GABRA4: variants seen among roughly 807,000 people sequenced by gnomAD.
The protein encoded by GABRA4 is gamma-aminobutyric acid type A receptor subunit alpha4.
Under a neutral mutation model 49.7 loss-of-function variants are expected in GABRA4, and 12 were observed. The observed-to-expected ratio is 0.24, with a 90% CI of 0.15 to 0.39. The LOEUF is 0.39. GABRA4 is among the 10% of genes least tolerant of loss of function. The pLI, the probability that GABRA4 is intolerant of heterozygous loss-of-function variation, is 1.00. For synonymous variants in GABRA4, 288 were observed against 240.2 expected, an observed-to-expected ratio of 1.20 and a Z score of -1.84; for missense variants, 506 against 686.0, an observed-to-expected ratio of 0.74 and a Z score of 2.93.
chr4:46,990,329 A>C (rs1036434429), intron 2 of GABRA4, among the ~76,000 whole-genome samples: 1 of 152,228 alleles, frequency 6.6e-6, no homozygotes, highest in Non-Finnish European at 1.5e-5. Flanking sequence ...ACGATTAACC[A>C]AAACCCAGTA....
chr4:46,978,932 G>T, intron 3 of GABRA4, 99 bp downstream of exon 3: 5 of 785,988 alleles, frequency 6.4e-6, no homozygotes, highest in Non-Finnish European at 1.1e-5. Context: ...TTAGGTTTCT[G>T]GCTTTGTGTG....
chr4:46,935,839 G>T (rs898407819), intron 8 of GABRA4, among the ~76,000 whole-genome samples: 1 of 152,134 alleles, frequency 6.6e-6, no homozygotes. Flanking sequence ...TTTAAAAAAA[G>T]AATATTCTAT....
At chr4:46,949,089 C>T (rs989121665) in intron 8 of GABRA4, among the ~76,000 whole-genome samples, 5 of 152,086 alleles carry the variant, frequency 3.3e-5, no homozygotes, top group African/African-American at 1.2e-4. Context: ...ATCCTTCTTA[C>T]CCCTCAATTT....
chr4:46,928,051 T>C lies in GABRA4; in HGVS notation c.*174A>G, dbSNP rs1721293369. 2 of 562,130 alleles carry C rather than the reference T, an allele frequency of 3.6e-6. No homozygotes were observed. The highest frequency in any genetic ancestry group is 3.0e-5 in the South Asian group (1 of 33,154). The allele number at this position is 562,130 out of a possible 1,614,324, so 34.8% of individuals were successfully genotyped here. A position where few individuals can be genotyped will look rare whatever the true frequency, so the allele number is the denominator to read the frequency against. On this transcript the variant is annotated 3_prime_UTR_variant, in exon 9 of 9. Transcript: ENST00000264318. Reference sequence around the variant, plus strand: ...ATAATTTTTCTGAAAAAAAACATAGTTCACTTTTTCACTCAGGAATTAATT... The same window carrying C: ...ATAATTTTTCTGAAAAAAAACATAGCTCACTTTTTCACTCAGGAATTAATT...
chr4:46,954,429 C>T (rs991671809), intron 8 of GABRA4, among the ~76,000 whole-genome samples: 13 of 151,928 alleles, frequency 8.6e-5, no homozygotes, highest in South Asian at 4.2e-4. Flanking sequence ...TTGTGGCAGG[C>T]GCCTGTAATC....
intron 8 of GABRA4, 47 bp downstream of exon 8, chr4:46,964,923 G>T: frequency 1.3e-6 from 2 of 1,493,724 alleles, no homozygotes; most frequent in South Asian, 2.8e-5. Flanking sequence ...AAATAAATTT[G>T]ACCAAGAAGC....
chr4:46,965,490 T>C (rs1246101066), intron 7 of GABRA4, among the ~76,000 whole-genome samples: 3 of 151,748 alleles, frequency 2.0e-5, no homozygotes, highest in Non-Finnish European at 4.4e-5. Flanking sequence ...GTTTGGAAAA[T>C]TCTTTGGGCT....
chr4:46,946,688 C>T (rs2109353336), intron 8 of GABRA4, among the ~76,000 whole-genome samples: 1 of 152,230 alleles, frequency 6.6e-6, no homozygotes, highest in South Asian at 2.1e-4. Flanking sequence ...AGTACAACGC[C>T]TGGCACAAAT....
At chr4:46,990,910 G>A (rs1057336237) in intron 2 of GABRA4, among the ~76,000 whole-genome samples, 9 of 152,300 alleles carry the variant, frequency 5.9e-5, no homozygotes, top group East Asian at 1.9e-4. Flanking sequence ...GGCCCGGCGC[G>A]GCTCACGCCT....
chr4:46,947,414 T>G (rs967138977), intron 8 of GABRA4, among the ~76,000 whole-genome samples: 1 of 151,882 alleles, frequency 6.6e-6, no homozygotes, highest in African/African-American at 2.4e-5. Context: ...GCGTTCTAAG[T>G]AAAGGTCCAA....
At chr4:46,990,713 G>T (rs1352199395) in intron 2 of GABRA4, among the ~76,000 whole-genome samples, 1 of 151,984 alleles carries the variant, frequency 6.6e-6, no homozygotes, top group Non-Finnish European at 1.5e-5. Flanking sequence ...TCATCTGAAC[G>T]ATTCTCCACA....
chr4:46,974,526 A>G, intron 5 of GABRA4, 151 bp from the exon 6 acceptor site: 1 of 665,244 alleles, frequency 1.5e-6, no homozygotes. Context: ...AGTTCACTAT[A>G]ATTTAGTCAA....
At chr4:46,952,455 AT>A (rs745528369) in intron 8 of GABRA4, among the ~76,000 whole-genome samples, 1 of 152,034 alleles carries the variant, frequency 6.6e-6, no homozygotes, top group Non-Finnish European at 1.5e-5. Flanking sequence ...ATACATAAAA[AT>A]TTTCTTTTTC....
At chr4:46,967,396 GA>G (rs1722801937) in intron 7 of GABRA4, among the ~76,000 whole-genome samples, 1 of 150,926 alleles carries the variant, frequency 6.6e-6, no homozygotes, top group African/African-American at 2.4e-5. Context: ...TTGGTGATCA[GA>G]AGTAGTGTTC....
intron 8 of GABRA4, among the ~76,000 whole-genome samples, chr4:46,953,091 T>G (rs1722228979): frequency 6.6e-6 from 1 of 152,130 alleles, no homozygotes; most frequent in Non-Finnish European, 1.5e-5. Context: ...AATAATATGG[T>G]AATTGTTTAT....
chr4:46,934,936 C>A (rs1577745680), intron 8 of GABRA4, among the ~76,000 whole-genome samples: 2 of 152,120 alleles, frequency 1.3e-5, no homozygotes, highest in African/African-American at 4.8e-5. Context: ...ATCAATGCCG[C>A]CAACATAACC....
chr4:46,938,945 A>T (rs1028006), intron 8 of GABRA4, among the ~76,000 whole-genome samples: 20,101 of 152,014 alleles, frequency 0.13, 1,849 homozygotes, highest in East Asian at 0.3. Flanking sequence ...AAATAAACAC[A>T]AAATGGTATA....
rs951571784 is a variant in GABRA4 at position 46,947,118 on chromosome 4, G to C, written c.1134+17852C>G. ...TGCATGCCACCCTGCAGTTGCCAAGGAGATAATGTATGTCATTCCTACAAA... is the reference window on the plus strand; with the variant it reads ...TGCATGCCACCCTGCAGTTGCCAAGCAGATAATGTATGTCATTCCTACAAA... On this transcript the variant is annotated intron_variant, in intron 8 of 8. Transcript: ENST00000264318. Among the ~76,000 whole-genome samples, 3 of 151,462 alleles carry C rather than the reference G, an allele frequency of 2.0e-5. No individual in the cohort carries two copies. In the Admixed American group the frequency reaches 2.0e-4, roughly 10 times the overall value.
At position 46,928,056 on chromosome 4, in the gene GABRA4, T is replaced by C. The variant is rs558727015; in HGVS notation, c.*169A>G. On this transcript the variant is annotated 3_prime_UTR_variant, in exon 9 of 9. Coordinates refer to ENST00000264318, the MANE Select transcript of GABRA4 (RefSeq NM_000809.4). ...TTTTCTGAAAAAAAACATAGTTCAC[T>C]TTTTCACTCAGGAATTAATTAACTC... 6.8e-6 allele frequency: 4 copies of C among 590,834 alleles called. No homozygotes were observed. In the South Asian group the frequency reaches 1.2e-4, roughly 17 times the overall value. 36.6% of individuals were successfully genotyped at this position (590,834 alleles called of 1,614,324 possible).
Sources: gnomAD v4.1 joint callset for allele counts (sites outside exome capture counted in the v4.1 genomes callset) on GRCh38, gnomAD v4.1.1 for gene constraint, MANE v1.5 for transcripts, NCBI Gene and HGNC (gene_info 2026-07-23, HGNC 2026-07-21) for gene names.